Variants in KRT78 observed in about 807,000 individuals in gnomAD.
KRT78 encodes the protein keratin 78.
In KRT78, 55 loss-of-function variants were observed where a neutral mutation model predicts 51.4. That is an observed-to-expected ratio of 1.07 (90% CI 0.86 to 1.34). KRT78 has a LOEUF of 1.34. KRT78 is among the 40% of genes most tolerant of loss of function. The probability of loss-of-function intolerance (pLI) is 0.00; values close to 1 mark genes in which losing one functional copy is unlikely to be tolerated. For missense variants in KRT78, 652 were observed against 649.4 expected (o/e 1.00, Z -0.04); for synonymous variants, 291 against 264.3 (o/e 1.10, Z -0.98).
Position 52,839,986 on chromosome 12 carries a change from T to C in KRT78, c.1048-2A>G. On this transcript the variant is annotated splice_acceptor_variant, in intron 6 of 8. Transcript: ENST00000304620. LOFTEE classifies it high-confidence loss of function. ...GATGGCGGCCTGCAGGCTGGCGTTC[T>C]GGAAGCGGGGTAGAAATGAGCGAGA... 1 of 1,611,366 alleles carries C rather than the reference T, an allele frequency of 6.2e-7. No individual in the cohort carries two copies.
At position 52,844,102 on chromosome 12, in the gene KRT78, G is replaced by C; in HGVS notation, c.1038C>G (p.Leu346=). ...GTCTCTGGGAATCTACCTGCTTCTT[G>C]AGGTTCTCAGTCTGACTCTGCAGCC... ...IQRLQSQTEN[L]KKQNASLQAA... is the part of the protein sequence containing the mutation. Residue 346 remains leucine (L), a synonymous_variant, in exon 6 of 9, where the codon CTC becomes CTG. Coordinates refer to ENST00000304620, the MANE Select transcript of KRT78 (RefSeq NM_173352.4). 1.2e-6 allele frequency: 2 copies of C among 1,612,840 alleles called. No individual in the cohort carries two copies. The highest frequency in any genetic ancestry group is 1.7e-6 in the Non-Finnish European group (2 of 1,179,582).
At position 52,839,198 on chromosome 12, in the gene KRT78, A is replaced by G. The variant is rs1309684775; in HGVS notation, c.1478T>C (p.Val493Ala). Residue 493 changes from valine to alanine, a missense_variant, in exon 9 of 9, where the codon GTG becomes GCG. Val to Ala is a moderately conservative substitution (Grantham distance 64, BLOSUM62 0). Coordinates refer to ENST00000304620, the MANE Select transcript of KRT78 (RefSeq NM_173352.4). ...GKDPVLDSCS[V>A]SGSSAGSSCH... ...GCTGGAGCCAGCGCTGGAGCCAGAC[A>G]CAGAGCAGGAATCCAAAACAGGGTC... 6.2e-7 allele frequency: 1 copy of G among 1,612,990 alleles called. No homozygotes were observed. Among genetic ancestry groups the G allele is most frequent in the African/African-American group, 1.3e-5 (1 of 75,028 alleles).
chr12:52,847,804 G>T, intron 2 of KRT78, 103 bp downstream of exon 2: 1 of 974,548 alleles, frequency 1.0e-6, no homozygotes, highest in Non-Finnish European at 1.6e-6. Context: ...CCAGTCATGT[G>T]CCTCTGGGTG....
In KRT78 at chr12:52,839,068, G is replaced by A. The variant is rs1489975380; in HGVS notation, c.*45C>T. 3.2e-6 allele frequency: 5 copies of A among 1,584,636 alleles called. No homozygotes were observed. In the South Asian group the frequency reaches 3.5e-5, roughly 11 times the overall value. The stretch of plus-strand genomic sequence containing the variant: ...GGCCTTGCAGAGCCGGCTGATGGGG[G>A]GAGTGGGCCAAATGTGTTCAGGAAG... On this transcript the variant is annotated 3_prime_UTR_variant, in exon 9 of 9. Transcript: ENST00000304620.
intron 1 of KRT78, 168 bp downstream of exon 1, chr12:52,848,379 C>G (rs1334173211): frequency 7.1e-7 from 1 of 1,402,472 alleles, no homozygotes; most frequent in Non-Finnish European, 9.7e-7. Context: ...ACAACAGGGC[C>G]TCAGCATAGC....
chr12:52,845,982 G>C (rs551486496), intron 4 of KRT78: 1 of 524,394 alleles, frequency 1.9e-6, no homozygotes, highest in African/African-American at 1.9e-5. Context: ...TTTTTTATCT[G>C]TAGTGATTTT....
chr12:52,844,445 T>G, intron 5 of KRT78, 114 bp downstream of exon 5: 9 of 1,144,256 alleles, frequency 7.9e-6, no homozygotes, highest in East Asian at 2.6e-5. Flanking sequence ...GCCCCAGACC[T>G]TCAGGGAGGT....
intron 6 of KRT78, among the ~76,000 whole-genome samples, 166 bp downstream of exon 6, chr12:52,843,927 G>A (rs1940577476): frequency 6.6e-6 from 1 of 152,036 alleles, no homozygotes; most frequent in Non-Finnish European, 1.5e-5. Context: ...CCCTAGATGG[G>A]GCTTGAAGTT....
rs907358623 is a variant in KRT78 at position 52,846,709 on chromosome 12, C to T, written c.660+55G>A. ...TTTTCCCTCCCAGCCTAGGACTAGG[C>T]TCCGTGCACAGTGGATGCTCAGAAC... On this transcript the variant is annotated intron_variant, in intron 3 of 8. Transcript: ENST00000304620. 5.4e-6 allele frequency: 8 copies of T among 1,478,188 alleles called. No individual in the cohort carries two copies. The South Asian group carries it at 9.2e-5, about 17-fold the overall frequency. The allele number at this position is 1,478,188 out of a possible 1,614,324, so 91.6% of individuals were successfully genotyped here.
At position 52,844,084 on chromosome 12, in the gene KRT78, G is replaced by A; in HGVS notation, c.1047+9C>T. The A allele has an allele frequency of 6.2e-7, 1 of 1,611,854 alleles. No individual in the cohort carries two copies. The highest frequency in any genetic ancestry group is 8.5e-7 in the Non-Finnish European group (1 of 1,179,242). ...ATGAGAGGACATTTGGGGGTCTCTG[G>A]GAATCTACCTGCTTCTTGAGGTTCT... On this transcript the variant is annotated intron_variant, in intron 6 of 8. Transcript: ENST00000304620.
chr12:52,842,962 G>GAGA (rs1565698736), intron 6 of KRT78, among the ~76,000 whole-genome samples: 403 of 25,116 alleles, frequency 0.016, 11 homozygotes, highest in African/African-American at 0.072. Context: ...AGAGAGAGAG[G>GAGA]AAGGAAGGAA....
chr12:52,840,131 C>A (rs1196817113), intron 6 of KRT78, 147 bp from the exon 7 acceptor site: 1 of 613,738 alleles, frequency 1.6e-6, no homozygotes, highest in Middle Eastern at 4.4e-4. Flanking sequence ...ACCAACACCA[C>A]CCCTGCAACA....
intron 6 of KRT78, among the ~76,000 whole-genome samples, chr12:52,843,788 A>G (rs74094257): frequency 0.027 from 4,071 of 152,254 alleles, 190 homozygotes; most frequent in African/African-American, 0.092. Flanking sequence ...GCTGAAAGCA[A>G]GATGTACACC....
chr12:52,841,719 T>C (rs1940505086), intron 6 of KRT78, among the ~76,000 whole-genome samples: 1 of 152,102 alleles, frequency 6.6e-6, no homozygotes, highest in African/African-American at 2.4e-5. Flanking sequence ...AGAACTGGGA[T>C]CCTAACCCAC....
intron 6 of KRT78, among the ~76,000 whole-genome samples, chr12:52,842,138 T>G (rs1465274338): frequency 6.9e-6 from 1 of 145,764 alleles, no homozygotes; most frequent in South Asian, 2.1e-4. Flanking sequence ...CTGCTTCTCA[T>G]TGCAAACAAG....
At chr12:52,848,370 C>T (rs1279947261) in intron 1 of KRT78, 177 bp downstream of exon 1, 1 of 1,409,160 alleles carries the variant, frequency 7.1e-7, no homozygotes, top group Admixed American at 2.2e-5. Flanking sequence ...AATCATGGAA[C>T]AACAGGGCCT....
rs996711708 is a variant in KRT78, at chr12:52,844,234, AG to A, written c.922-17del. Reference sequence around the variant, plus strand: ...GTTCCTGGTACTGAGAGGGGAACAGAGGGGACACCATTAGTTGAGAGGACTG... The same window carrying A: ...GTTCCTGGTACTGAGAGGGGAACAGAGGGACACCATTAGTTGAGAGGACTG... On this transcript the variant is annotated splice_polypyrimidine_tract_variant and intron_variant, in intron 5 of 8. Coordinates refer to ENST00000304620, the MANE Select transcript of KRT78 (RefSeq NM_173352.4). The A allele has an allele frequency of 4.4e-6, 7 of 1,580,344 alleles. No homozygotes were observed. Among genetic ancestry groups the A allele is most frequent in the Non-Finnish European group, 5.1e-6 (6 of 1,169,346 alleles).
Position 52,844,734 on chromosome 12 carries a change from GA to G in KRT78, c.757-12del. The G allele has an allele frequency of 1.9e-6, 3 of 1,600,668 alleles. No individual in the cohort carries two copies. The highest frequency in any genetic ancestry group is 1.7e-4 in the Middle Eastern group (1 of 5,914). ...GAGCTGGCCCAGCTCCTGCAGGGAA[GA>G]CAGACTCAGTGTCCACTCACCCCCA... On this transcript the variant is annotated splice_polypyrimidine_tract_variant and intron_variant, in intron 4 of 8. Coordinates refer to ENST00000304620, the MANE Select transcript of KRT78 (RefSeq NM_173352.4).
chr12:52,840,996 C>A (rs1437263543), intron 6 of KRT78, among the ~76,000 whole-genome samples: 1 of 152,110 alleles, frequency 6.6e-6, no homozygotes, highest in Admixed American at 6.5e-5. Flanking sequence ...GTGCTCTTTC[C>A]CTATTTCTTC....
Sources: allele counts gnomAD v4.1 joint callset (sites outside exome capture counted in the v4.1 genomes callset), GRCh38; gene constraint gnomAD v4.1.1; transcripts MANE v1.5; gene names NCBI Gene and HGNC (gene_info 2026-07-23, HGNC 2026-07-21).